ST3GAL3: variants seen among roughly 807,000 people sequenced by gnomAD.
ST3GAL3 encodes CMP-N-acetylneuraminate-beta-1,4-galactoside alpha-2,3-sialyltransferase.
Under a neutral mutation model 50.1 loss-of-function variants are expected in ST3GAL3, and 21 were observed. The ratio of observed to expected loss-of-function variants is 0.42; its 90% CI spans 0.30 to 0.60. The LOEUF (loss-of-function observed/expected upper bound fraction) is 0.60, where lower values mean the gene tolerates loss of function less well. Ranked by LOEUF, ST3GAL3 falls within the 20% of genes least tolerant of loss-of-function variation. The pLI is 0.19. For synonymous variants in ST3GAL3, 183 were observed against 190.0 expected (o/e 0.96, Z 0.30); for missense variants, 353 against 489.4 (o/e 0.72, Z 2.63).
chr1:43,865,420 T>C (rs898250247), intron 5 of ST3GAL3, among the ~76,000 whole-genome samples: 1 of 152,170 alleles, frequency 6.6e-6, no homozygotes, highest in Non-Finnish European at 1.5e-5. Flanking sequence ...TATCTATACC[T>C]TTTAGTCACC....
chr1:43,905,991 C>T (rs1358015803), intron 9 of ST3GAL3, among the ~76,000 whole-genome samples: 5 of 91,376 alleles, frequency 5.5e-5, no homozygotes, highest in Non-Finnish European at 9.4e-5. Flanking sequence ...CTCCCCTTCC[C>T]GCCACTCTTC....
chr1:43,801,508 G>A (rs1573114310), intron 3 of ST3GAL3: 1 of 388,028 alleles, frequency 2.6e-6, no homozygotes, highest in East Asian at 7.2e-5. Context: ...GGATGTGACT[G>A]CACAGCCTGG....
chr1:43,873,216 G>C (rs894321874), intron 5 of ST3GAL3, among the ~76,000 whole-genome samples: 4 of 152,178 alleles, frequency 2.6e-5, no homozygotes, highest in South Asian at 4.1e-4. Context: ...GACCACGGTG[G>C]AAGCAGTGGA....
chr1:43,813,484 CA>C, intron 3 of ST3GAL3, among the ~76,000 whole-genome samples: 1 of 152,182 alleles, frequency 6.6e-6, no homozygotes. Flanking sequence ...AGAGCAAAAC[CA>C]GAATTATTTT....
intron 1 of ST3GAL3, among the ~76,000 whole-genome samples, chr1:43,722,143 C>G (rs1371673518): frequency 6.6e-6 from 1 of 152,142 alleles, no homozygotes; most frequent in South Asian, 2.1e-4. Context: ...AACCTAAAGC[C>G]TGGAGACAGG....
chr1:43,767,257 G>T (rs193074613), intron 2 of ST3GAL3, among the ~76,000 whole-genome samples: 10 of 152,246 alleles, frequency 6.6e-5, no homozygotes, highest in South Asian at 6.2e-4. Flanking sequence ...AAGGCAGAGG[G>T]AAGATTATGG....
At chr1:43,731,642 C>A (rs1481934858) in intron 1 of ST3GAL3, among the ~76,000 whole-genome samples, 1 of 151,350 alleles carries the variant, frequency 6.6e-6, no homozygotes, top group Non-Finnish European at 1.5e-5. Flanking sequence ...CGTGATCCGC[C>A]CACCTCGGCC....
intron 2 of ST3GAL3, among the ~76,000 whole-genome samples, chr1:43,786,820 C>T (rs1478210803): frequency 6.6e-6 from 1 of 152,154 alleles, no homozygotes; most frequent in African/African-American, 2.4e-5. Context: ...TTTCCCACGG[C>T]TGTGTCTTGT....
At chr1:43,927,413 A>G (rs1247428304) in intron 11 of ST3GAL3, among the ~76,000 whole-genome samples, 1 of 152,226 alleles carries the variant, frequency 6.6e-6, no homozygotes, top group Non-Finnish European at 1.5e-5. Flanking sequence ...ACCTAAAAAC[A>G]TGAACAGTAA....
At chr1:43,761,048 G>A (rs556939857) in intron 2 of ST3GAL3, among the ~76,000 whole-genome samples, 4 of 152,300 alleles carry the variant, frequency 2.6e-5, no homozygotes, top group Admixed American at 1.3e-4. Context: ...ATTAGTGGTT[G>A]GAGGGGATAG....
intron 9 of ST3GAL3, among the ~76,000 whole-genome samples, chr1:43,909,985 T>A (rs1238012347): frequency 6.6e-6 from 1 of 152,198 alleles, no homozygotes; most frequent in Non-Finnish European, 1.5e-5. Flanking sequence ...TACATGATGC[T>A]GCCAAGAGTG....
chr1:43,832,125 G>A (rs1386887927), intron 4 of ST3GAL3, among the ~76,000 whole-genome samples: 2 of 152,192 alleles, frequency 1.3e-5, no homozygotes, highest in Non-Finnish European at 2.9e-5. Context: ...GAGTGCCTCC[G>A]TGAAAATTGT....
At chr1:43,852,690 T>C (rs2067560556) in intron 5 of ST3GAL3, among the ~76,000 whole-genome samples, 1 of 152,244 alleles carries the variant, frequency 6.6e-6, no homozygotes, top group African/African-American at 2.4e-5. Flanking sequence ...AACTAATTAT[T>C]GTGACATATT....
intron 4 of ST3GAL3, among the ~76,000 whole-genome samples, chr1:43,822,271 A>G (rs12741189): frequency 6.6e-6 from 1 of 151,986 alleles, no homozygotes; most frequent in Non-Finnish European, 1.5e-5. Context: ...CTGGTGTCCA[A>G]GTGTGACTTT....
At chr1:43,765,795 G>GCGTC (rs1558203839) in intron 2 of ST3GAL3, among the ~76,000 whole-genome samples, 1 of 146,604 alleles carries the variant, frequency 6.8e-6, no homozygotes, top group East Asian at 1.9e-4. Context: ...GCGCGCGCGC[G>GCGTC]CGCGCGTCCG....
chr1:43,919,993 A>T, intron 9 of ST3GAL3: 1 of 346,740 alleles, frequency 2.9e-6, no homozygotes. Context: ...GTGGGAGCAC[A>T]GGAGGGCAGA....
At chr1:43,785,421 C>T (rs1485305859) in intron 2 of ST3GAL3, among the ~76,000 whole-genome samples, 2 of 152,078 alleles carry the variant, frequency 1.3e-5, no homozygotes, top group East Asian at 1.9e-4. Context: ...GAGGTGAGGC[C>T]GCTCAGACTG....
intron 1 of ST3GAL3, among the ~76,000 whole-genome samples, chr1:43,711,665 T>C (rs1355482429): frequency 6.6e-6 from 1 of 152,184 alleles, no homozygotes; most frequent in Non-Finnish European, 1.5e-5. Context: ...TCCAAGCACT[T>C]GTAAATGCTC....
At chr1:43,906,433 C>T (rs1489267739) in intron 9 of ST3GAL3, among the ~76,000 whole-genome samples, 7 of 134,180 alleles carry the variant, frequency 5.2e-5, no homozygotes, top group Non-Finnish European at 1.1e-4. Flanking sequence ...TCCCACCACT[C>T]TTCCCCCTCC....
Sources: gnomAD v4.1 joint callset for allele counts (sites outside exome capture counted in the v4.1 genomes callset) on GRCh38, gnomAD v4.1.1 for gene constraint, MANE v1.5 for transcripts, NCBI Gene and HGNC (gene_info 2026-07-23, HGNC 2026-07-21) for gene names.